The following GPC3 variants were observed in gnomAD, a reference collection of about 807,000 sequenced individuals.
GPC3 encodes glypican-3.
In GPC3, 3 loss-of-function variants were observed where a neutral mutation model predicts 34.4. The ratio of observed to expected loss-of-function variants is 0.09; its 90% confidence interval spans 0.04 to 0.23. The LOEUF is 0.23. Among genes scored for constraint, GPC3 ranks in the 10% least tolerant of loss-of-function variants. The pLI, the probability that GPC3 is intolerant of heterozygous loss-of-function variation, is 1.00. For synonymous variants in GPC3, 177 were observed against 174.0 expected (o/e 1.02, Z -0.13); for missense variants, 351 against 445.6 (o/e 0.79, Z 1.91).
chrX:133,914,641 A>C (rs2076215005), intron 2 of GPC3, among the ~76,000 whole-genome samples: 1 of 110,692 alleles, frequency 9.0e-6, no homozygotes, highest in Admixed American at 9.7e-5. Context: ...TCAAATGGAC[A>C]ATAATGGTAC....
At position 133,896,362 on chromosome X, in the gene GPC3, G is replaced by GAA. The variant is rs375226597; in HGVS notation, c.337+56686_337+56687dup. ...GGCAACAGAGTGAGAGATTGTCTCA[G>GAA]AAAAAAAAAAAAAAAGAAAGAAAAA... On this transcript the variant is annotated intron_variant, in intron 2 of 7. Transcript: ENST00000370818. Among the ~76,000 whole-genome samples, 375 of 81,127 alleles carry GAA rather than the reference G, an allele frequency of 4.6e-3. 2 individuals are homozygous for GAA. The highest frequency in any genetic ancestry group is 6.1e-3 in the African/African-American group (136 of 22,457). 70.4% of individuals were successfully genotyped at this position (81,127 alleles called of 115,157 possible).
At chrX:133,830,335 C>T (rs1053386266) in intron 2 of GPC3, among the ~76,000 whole-genome samples, 1 of 111,913 alleles carries the variant, frequency 8.9e-6, no homozygotes, top group African/African-American at 3.2e-5. Context: ...TAAATCTCTC[C>T]CTAAAATCAA....
rs184735672 is a variant in GPC3 at position 133,823,593 on chromosome X, T to C, written c.338-69417A>G. Reference sequence around the variant, plus strand: ...TAATTTCTGATGGGATTTTGCAATATATTCATATAAAACAACTATTATACA... The same window carrying C: ...TAATTTCTGATGGGATTTTGCAATACATTCATATAAAACAACTATTATACA... On this transcript the variant is annotated intron_variant, in intron 2 of 7. Coordinates refer to ENST00000370818, the MANE Select transcript of GPC3 (RefSeq NM_004484.4). 3.5e-3 allele frequency among the ~76,000 whole-genome samples: 394 copies of C among 111,663 alleles called. 2 individuals are homozygous for C. Among genetic ancestry groups the C allele is most frequent in the African/African-American group, 0.012 (365 of 30,759 alleles).
rs934782490 is a variant in GPC3 at position 133,754,193 on chromosome X, AAAAG to A, written c.338-21_338-18del. The A allele has an allele frequency of 1.8e-6, 2 of 1,088,058 alleles. No homozygotes were observed. The highest frequency in any genetic ancestry group is 3.7e-5 in the African/African-American group (2 of 53,770). 89.7% of individuals were successfully genotyped at this position (1,088,058 alleles called of 1,213,427 possible). ...CAAAGGCCTCTGTAAAAAAAAAAAA[AAAAG>A]AGACACAAAAATGTGTACAAATTAA... On this transcript the variant is annotated intron_variant, in intron 2 of 7. Transcript: ENST00000370818.
intron 6 of GPC3, among the ~76,000 whole-genome samples, chrX:133,650,109 A>C (rs1454112885): frequency 1.8e-5 from 2 of 111,822 alleles, no homozygotes; most frequent in Non-Finnish European, 3.8e-5. Context: ...TGCTGCTCAA[A>C]ATCATTCTAA....
At chrX:133,781,247 CA>C (rs2124502910) in intron 2 of GPC3, among the ~76,000 whole-genome samples, 1 of 112,171 alleles carries the variant, frequency 8.9e-6, no homozygotes, top group Admixed American at 9.4e-5. Context: ...TCCTTCACTT[CA>C]AAAGTAAATC....
intron 7 of GPC3, among the ~76,000 whole-genome samples, chrX:133,584,995 AG>A (rs2069775181): frequency 9.0e-6 from 1 of 111,092 alleles, no homozygotes; most frequent in South Asian, 3.8e-4. Flanking sequence ...AAACTCAGCA[AG>A]TATATTTGGA....
chrX:133,840,219 T>C (rs2075818071), intron 2 of GPC3, among the ~76,000 whole-genome samples: 1 of 111,362 alleles, frequency 9.0e-6, no homozygotes, highest in South Asian at 3.8e-4. Context: ...GAAGCTATAG[T>C]GTCTTATATC....
At chrX:133,614,188 G>T (rs779028329) in intron 6 of GPC3, among the ~76,000 whole-genome samples, 5 of 111,044 alleles carry the variant, frequency 4.5e-5, no homozygotes, top group African/African-American at 6.5e-5. Context: ...TAGGAAGAAA[G>T]AATATTTAAA....
chrX:133,699,357 G>C (rs1285857500), intron 4 of GPC3, among the ~76,000 whole-genome samples: 1 of 112,180 alleles, frequency 8.9e-6, no homozygotes, highest in Non-Finnish European at 1.9e-5. Flanking sequence ...GGGATAGAGG[G>C]AACCTGGATC....
chrX:133,587,237 G>A (rs2069798371), intron 7 of GPC3, among the ~76,000 whole-genome samples: 1 of 111,470 alleles, frequency 9.0e-6, no homozygotes, highest in Non-Finnish European at 1.9e-5. Flanking sequence ...TTCCATTCAC[G>A]TTACCTGGAA....
intron 2 of GPC3, among the ~76,000 whole-genome samples, chrX:133,773,584 C>T (rs1261104140): frequency 9.0e-6 from 1 of 111,568 alleles, no homozygotes; most frequent in African/African-American, 3.3e-5. Flanking sequence ...ACACTAGTGA[C>T]AGTTATTTCT....
chrX:133,699,351 T>G (rs778136215), intron 4 of GPC3, among the ~76,000 whole-genome samples: 2 of 112,214 alleles, frequency 1.8e-5, no homozygotes, highest in South Asian at 7.4e-4. Context: ...AGAATGGGGA[T>G]AGAGGGAACC....
chrX:133,932,194 A>G, intron 2 of GPC3, among the ~76,000 whole-genome samples: 1 of 112,731 alleles, frequency 8.9e-6, no homozygotes, highest in Middle Eastern at 4.7e-3. Context: ...AATGGTAGAC[A>G]GTAGCCTGAT....
At chrX:133,622,691 C>A (rs186560498) in intron 6 of GPC3, among the ~76,000 whole-genome samples, 186 of 111,905 alleles carry the variant, frequency 1.7e-3, no homozygotes, top group African/African-American at 5.5e-3. Flanking sequence ...CTACGTCTGA[C>A]TGGTGTACCT....
chrX:133,562,336 G>A (rs184012984), intron 7 of GPC3, among the ~76,000 whole-genome samples: 1 of 111,269 alleles, frequency 9.0e-6, no homozygotes, highest in Non-Finnish European at 1.9e-5. Flanking sequence ...CCAAGATTAA[G>A]AATAAATGAC....
In GPC3 at chrX:133,661,820, C is replaced by T. The variant is rs773146310; in HGVS notation, c.1323G>A (p.Met441Ile). 5.0e-6 allele frequency: 6 copies of T among 1,192,240 alleles called. No homozygotes were observed. In the Admixed American group the frequency reaches 1.1e-4, roughly 22 times the overall value. Residue 441 changes from methionine (M) to isoleucine (I), a missense_variant, in exon 6 of 8, where the codon ATG becomes ATA. By Grantham distance (10) the Met-to-Ile change is conservative. Transcript: ENST00000370818. ...RYSQKAARNG[M>I]KNQFNLHELK... ...GCTCATGGAGATTGAACTGGTTTTTCATTCCATTCCTTGCTGCCTTTTGGC... is the reference window on the plus strand; with the variant it reads ...GCTCATGGAGATTGAACTGGTTTTTTATTCCATTCCTTGCTGCCTTTTGGC...
intron 2 of GPC3, among the ~76,000 whole-genome samples, chrX:133,812,950 C>T (rs1238012759): frequency 8.9e-6 from 1 of 112,586 alleles, no homozygotes; most frequent in Non-Finnish European, 1.9e-5. Context: ...TTCTCTCCAG[C>T]TGCAAGCTAA....
At chrX:133,757,403 G>T (rs866892999) in intron 2 of GPC3, among the ~76,000 whole-genome samples, 3 of 111,117 alleles carry the variant, frequency 2.7e-5, no homozygotes, top group Non-Finnish European at 3.8e-5. Flanking sequence ...TACAATCAGG[G>T]TATTACCTCT....
Sources: allele counts gnomAD v4.1 joint callset (sites outside exome capture counted in the v4.1 genomes callset), GRCh38; gene constraint gnomAD v4.1.1; transcripts MANE v1.5; gene names NCBI Gene and HGNC (gene_info 2026-07-23, HGNC 2026-07-21).